Variants in ARFGEF1 observed in about 807,000 individuals in gnomAD.
ARFGEF1 encodes the protein brefeldin A-inhibited guanine nucleotide-exchange protein 1.
ARFGEF1 carries 42 observed loss-of-function variants against 231.0 expected under a neutral mutation model. The observed-to-expected ratio is 0.18, with a 90% CI of 0.14 to 0.24. The LOEUF is 0.24. ARFGEF1 is among the 10% of genes least tolerant of loss of function. ARFGEF1 has a pLI of 1.00. For synonymous variants in ARFGEF1, 710 were observed against 732.3 expected (o/e 0.97, Z 0.49); for missense variants, 1,345 against 2,192.0 (o/e 0.61, Z 7.72).
chr8:67,292,311 G>A (rs150662631), intron 5 of ARFGEF1, among the ~76,000 whole-genome samples, 188 bp from the exon 6 acceptor site: 9 of 152,222 alleles, frequency 5.9e-5, no homozygotes, highest in Admixed American at 1.3e-4. Context: ...TAGGTGGCTG[G>A]AAATTGGCAC....
chr8:67,322,305 C>T (rs1422732545), intron 1 of ARFGEF1, among the ~76,000 whole-genome samples: 5 of 152,190 alleles, frequency 3.3e-5, no homozygotes, highest in Middle Eastern at 3.2e-3. Context: ...TGGGTTTATT[C>T]GGCTATTCAT....
rs1262158445 is a variant in ARFGEF1 at position 67,218,206 on chromosome 8, AAATATATATAT to A, written c.4339-79_4339-69del. The A allele has an allele frequency of 9.9e-3, 1,730 of 174,960 alleles. 94 individuals are homozygous for A. The highest frequency in any genetic ancestry group is 0.066 in the African/African-American group (1,559 of 23,732). 10.8% of individuals were successfully genotyped at this position (174,960 alleles called of 1,614,324 possible). A position where few individuals can be genotyped will look rare whatever the true frequency, so the allele number is the denominator to read the frequency against. Reference sequence around the variant, plus strand: ...CTACTATGATTAAAAAAAAAAAAAAAAATATATATATATATATATATATATATAAATGTTTT... The same window carrying A: ...CTACTATGATTAAAAAAAAAAAAAAAATATATATATATATATAAATGTTTT... On this transcript the variant is annotated intron_variant, in intron 30 of 38. Transcript: ENST00000262215.
chr8:67,231,735 C>T (rs1279213360), intron 23 of ARFGEF1, among the ~76,000 whole-genome samples: 2 of 151,996 alleles, frequency 1.3e-5, no homozygotes, highest in Non-Finnish European at 2.9e-5. Flanking sequence ...ATGCTTATTA[C>T]ACAAGCCTAG....
At chr8:67,273,132 T>A (rs915848781) in intron 9 of ARFGEF1, among the ~76,000 whole-genome samples, 5 of 151,818 alleles carry the variant, frequency 3.3e-5, no homozygotes, top group Non-Finnish European at 5.9e-5. Flanking sequence ...TAAAATAAAA[T>A]AAAAATACAA....
intron 1 of ARFGEF1, among the ~76,000 whole-genome samples, chr8:67,311,469 G>T (rs1452621257): frequency 7.0e-6 from 1 of 142,668 alleles, no homozygotes; most frequent in Non-Finnish European, 1.6e-5. Flanking sequence ...GAGGTGGGGG[G>T]GTCAGCCACC....
chr8:67,343,423 G>A lies in ARFGEF1; in HGVS notation c.-136C>T, dbSNP rs894597848. 103 of 1,426,638 alleles carry A rather than the reference G, an allele frequency of 7.2e-5. No homozygotes were observed. Among genetic ancestry groups the A allele is most frequent in the Non-Finnish European group, 9.1e-5 (99 of 1,085,454 alleles). 88.4% of individuals were successfully genotyped at this position (1,426,638 alleles called of 1,614,324 possible). ...GGGATTGGAGGCGTGGAGGGCAGCG[G>A]CAGGATCAGGAAGGGGCGGGCGAGC... On this transcript the variant is annotated 5_prime_UTR_variant, in exon 1 of 39. Coordinates refer to ENST00000262215, the MANE Select transcript of ARFGEF1 (RefSeq NM_006421.5).
chr8:67,341,894 A>T (rs1055525251), intron 1 of ARFGEF1, among the ~76,000 whole-genome samples: 9 of 152,260 alleles, frequency 5.9e-5, no homozygotes, highest in Middle Eastern at 6.8e-3. Flanking sequence ...CCCTAATACT[A>T]CACATTCAAA....
chr8:67,322,207 CA>C (rs1386780265), intron 1 of ARFGEF1, among the ~76,000 whole-genome samples: 1 of 152,210 alleles, frequency 6.6e-6, no homozygotes, highest in Non-Finnish European at 1.5e-5. Context: ...TTACCTATAA[CA>C]CTTTCCATGA....
chr8:67,256,414 T>C (rs1840455426), intron 17 of ARFGEF1, among the ~76,000 whole-genome samples: 1 of 152,184 alleles, frequency 6.6e-6, no homozygotes, highest in Admixed American at 6.5e-5. Context: ...ATGTATATAA[T>C]CGTATATATT....
chr8:67,321,936 T>G (rs1224796516), intron 1 of ARFGEF1, among the ~76,000 whole-genome samples: 1 of 152,168 alleles, frequency 6.6e-6, no homozygotes, highest in African/African-American at 2.4e-5. Context: ...CACAAAAGCC[T>G]CCATGATTTG....
At chr8:67,204,317 C>T (rs1838435949) in intron 35 of ARFGEF1, among the ~76,000 whole-genome samples, 1 of 152,188 alleles carries the variant, frequency 6.6e-6, no homozygotes, top group African/African-American at 2.4e-5. Context: ...CTATCCAGAG[C>T]ATTTAACAAG....
chr8:67,296,006 T>TATC (rs1328300668), intron 5 of ARFGEF1, among the ~76,000 whole-genome samples: 2 of 152,198 alleles, frequency 1.3e-5, no homozygotes, highest in Admixed American at 6.5e-5. Flanking sequence ...GTATAAGGAA[T>TATC]ATCATGCCCC....
chr8:67,278,754 G>C (rs941108495), intron 7 of ARFGEF1, among the ~76,000 whole-genome samples: 1 of 152,142 alleles, frequency 6.6e-6, no homozygotes, highest in Non-Finnish European at 1.5e-5. Flanking sequence ...GCTGAGGCAG[G>C]AGAATCACTT....
chr8:67,278,614 G>A (rs1037865952), intron 7 of ARFGEF1, among the ~76,000 whole-genome samples: 2 of 152,036 alleles, frequency 1.3e-5, no homozygotes, highest in African/African-American at 2.4e-5. Context: ...TTGGGAGGCC[G>A]AGGCGGGTGG....
intron 1 of ARFGEF1, among the ~76,000 whole-genome samples, chr8:67,310,160 C>A (rs975905911): frequency 3.9e-5 from 6 of 152,142 alleles, no homozygotes; most frequent in African/African-American, 9.7e-5. Flanking sequence ...CATGCGGAGC[C>A]GAAGCTGGAC....
intron 7 of ARFGEF1, among the ~76,000 whole-genome samples, chr8:67,282,475 T>C (rs1280838587): frequency 6.6e-6 from 1 of 152,166 alleles, no homozygotes; most frequent in African/African-American, 2.4e-5. Flanking sequence ...TAAAATCCAT[T>C]TTCAGCAAGA....
chr8:67,222,607 C>A (rs112827090), intron 29 of ARFGEF1, among the ~76,000 whole-genome samples: 3,675 of 152,164 alleles, frequency 0.024, 91 homozygotes, highest in African/African-American at 0.065. Context: ...CGCACCACCA[C>A]GCCTCGCTAA....
intron 6 of ARFGEF1, 54 bp downstream of exon 6, chr8:67,291,789 CTCAT>C (rs1273186977): frequency 6.4e-7 from 1 of 1,551,942 alleles, no homozygotes; most frequent in Non-Finnish European, 8.7e-7. Flanking sequence ...CATCAAAACT[CTCAT>C]TCCTACACAT....
intron 19 of ARFGEF1, among the ~76,000 whole-genome samples, chr8:67,248,760 C>T (rs1840181548): frequency 6.6e-6 from 1 of 150,454 alleles, no homozygotes; most frequent in Non-Finnish European, 1.5e-5. Flanking sequence ...CCAGCTCCAC[C>T]ATTACCATTA....
Sources: allele counts gnomAD v4.1 joint callset (sites outside exome capture counted in the v4.1 genomes callset), GRCh38; gene constraint gnomAD v4.1.1; transcripts MANE v1.5; gene names NCBI Gene and HGNC (gene_info 2026-07-23, HGNC 2026-07-21).